KIAA1671: variants seen among roughly 807,000 people sequenced by gnomAD.
The protein encoded by KIAA1671 is KIAA1671.
KIAA1671 carries 52 observed loss-of-function variants against 131.2 expected under a neutral mutation model. The observed-to-expected ratio is 0.40, with a 90% confidence interval of 0.32 to 0.50. The LOEUF (loss-of-function observed/expected upper bound fraction) is 0.50, where lower values mean the gene tolerates loss of function less well. Ranked by LOEUF, KIAA1671 falls within the 20% of genes least tolerant of loss-of-function variation. The pLI is 0.73. For missense variants in KIAA1671, 2,360 were observed against 2,364.2 expected, an observed-to-expected ratio of 1.00 and a Z score of 0.04; for synonymous variants, 1,003 against 961.6, an observed-to-expected ratio of 1.04 and a Z score of -0.80.
chr22:25,114,731 A>T (rs969836982), intron 6 of KIAA1671, among the ~76,000 whole-genome samples: 1 of 152,108 alleles, frequency 6.6e-6, no homozygotes, highest in African/African-American at 2.4e-5. Flanking sequence ...CACTTCAAAG[A>T]TTTTCAATGA....
At chr22:25,011,078 G>A (rs1355850568) in intron 1 of KIAA1671, 4 of 151,870 alleles carry the variant, frequency 2.6e-5, no homozygotes, top group Non-Finnish European at 5.9e-5. Context: ...CTGGGTTCAA[G>A]TGATTCTCAT....
chr22:25,099,618 A>C (rs1279315453), intron 6 of KIAA1671, among the ~76,000 whole-genome samples: 2 of 133,326 alleles, frequency 1.5e-5, no homozygotes, highest in African/African-American at 5.8e-5. Context: ...GCAGTGGTGC[A>C]ACCTTGGCTC....
At chr22:25,049,180 T>C in intron 5 of KIAA1671, 50 bp from the exon 6 acceptor site, 1 of 1,528,666 alleles carries the variant, frequency 6.5e-7, no homozygotes. Context: ...TTTTTTCCTG[T>C]AAATGAGAAG....
chr22:25,018,874 A>G (rs1925491677), intron 1 of KIAA1671, among the ~76,000 whole-genome samples: 1 of 152,162 alleles, frequency 6.6e-6, no homozygotes, highest in Non-Finnish European at 1.5e-5. Flanking sequence ...ATTGGTGTAC[A>G]AATATCTGCT....
chr22:25,173,713 C>T (rs9612883), intron 7 of KIAA1671, among the ~76,000 whole-genome samples: 33,360 of 152,120 alleles, frequency 0.22, 4,716 homozygotes, highest in East Asian at 0.47. Flanking sequence ...TAAAAAGAAA[C>T]AAGTGAAATT....
At chr22:24,964,517 G>A (rs1922191427) in intron 1 of KIAA1671, among the ~76,000 whole-genome samples, 1 of 151,956 alleles carries the variant, frequency 6.6e-6, no homozygotes, top group Non-Finnish European at 1.5e-5. Context: ...CATTTCCCAG[G>A]CTCAAGTGAT....
At chr22:25,056,242 G>A (rs1366316622) in intron 6 of KIAA1671, 1 of 149,052 alleles carries the variant, frequency 6.7e-6, no homozygotes, top group African/African-American at 2.4e-5. Flanking sequence ...CATTCTGTGG[G>A]CTGTCTTTTC....
chr22:24,991,942 T>TG (rs1923862676), intron 1 of KIAA1671, among the ~76,000 whole-genome samples: 1 of 152,124 alleles, frequency 6.6e-6, no homozygotes, highest in Non-Finnish European at 1.5e-5. Flanking sequence ...GTGGGGAGGT[T>TG]GGGGACTGGG....
chr22:25,184,615 A>G (rs1217027598), intron 10 of KIAA1671, among the ~76,000 whole-genome samples: 1 of 152,172 alleles, frequency 6.6e-6, no homozygotes, highest in Non-Finnish European at 1.5e-5. Context: ...TGGCTCCAGG[A>G]GTAAGGAACT....
At chr22:24,963,364 CA>C (rs766667437) in intron 1 of KIAA1671, among the ~76,000 whole-genome samples, 12,346 of 46,758 alleles carry the variant, frequency 0.26, 645 homozygotes, top group African/African-American at 0.39. Context: ...AACTCCATCT[CA>C]AAAAAAAAAA....
At chr22:25,068,491 C>T (rs1429712062) in intron 6 of KIAA1671, among the ~76,000 whole-genome samples, 2 of 152,002 alleles carry the variant, frequency 1.3e-5, no homozygotes, top group Admixed American at 1.3e-4. Context: ...GGCTGGAGTG[C>T]AGTGGCACGA....
At chr22:25,077,718 A>C (rs113338345) in intron 6 of KIAA1671, among the ~76,000 whole-genome samples, 2,668 of 152,226 alleles carry the variant, frequency 0.018, 31 homozygotes, top group Middle Eastern at 0.051. Flanking sequence ...ATGGGAAATC[A>C]CTGTGGTTTT....
intron 1 of KIAA1671, among the ~76,000 whole-genome samples, chr22:24,995,947 T>TG (rs1049111000): frequency 9.2e-5 from 14 of 152,202 alleles, no homozygotes; most frequent in African/African-American, 2.9e-4. Flanking sequence ...GGGAGGAGAC[T>TG]GGGGGCACCC....
intron 1 of KIAA1671, among the ~76,000 whole-genome samples, chr22:24,967,809 G>T (rs576748546): frequency 5.9e-5 from 9 of 152,160 alleles, no homozygotes; most frequent in Non-Finnish European, 1.0e-4. Context: ...TGGCTAACAC[G>T]GTGAAACCCT....
At chr22:25,122,236 C>G (rs1191815209) in intron 6 of KIAA1671, among the ~76,000 whole-genome samples, 1 of 152,146 alleles carries the variant, frequency 6.6e-6, no homozygotes, top group Non-Finnish European at 1.5e-5. Context: ...AGAACCAGGG[C>G]AGAAGCAGCT....
At chr22:25,182,730 C>G (rs558182896) in intron 10 of KIAA1671, among the ~76,000 whole-genome samples, 1 of 152,328 alleles carries the variant, frequency 6.6e-6, no homozygotes, top group Non-Finnish European at 1.5e-5. Flanking sequence ...GTTTGCTTAT[C>G]TGTAAAGTGG....
At chr22:24,994,005 C>T (rs1348966935) in intron 1 of KIAA1671, among the ~76,000 whole-genome samples, 1 of 152,040 alleles carries the variant, frequency 6.6e-6, no homozygotes, top group African/African-American at 2.4e-5. Context: ...CGCTTGAACC[C>T]AGCAGGTGGA....
At chr22:24,991,909 T>A (rs1923859786) in intron 1 of KIAA1671, among the ~76,000 whole-genome samples, 1 of 152,116 alleles carries the variant, frequency 6.6e-6, no homozygotes, top group South Asian at 2.1e-4. Context: ...TGTTTTCTTG[T>A]TTGAGTTGTT....
chr22:24,958,808 T>C (rs1921859333), intron 1 of KIAA1671, among the ~76,000 whole-genome samples: 1 of 150,534 alleles, frequency 6.6e-6, no homozygotes, highest in African/African-American at 2.4e-5. Flanking sequence ...CTCTCTCTAC[T>C]GAAAATACAA....
Sources: allele counts gnomAD v4.1 joint callset (sites outside exome capture counted in the v4.1 genomes callset), GRCh38; gene constraint gnomAD v4.1.1; transcripts MANE v1.5; gene names NCBI Gene and HGNC (gene_info 2026-07-23, HGNC 2026-07-21).